PBRM1: variants seen among roughly 807,000 people sequenced by gnomAD.
PBRM1 encodes protein polybromo-1.
Under a neutral mutation model 194.5 loss-of-function variants are expected in PBRM1, and 27 were observed. The observed-to-expected ratio is 0.14, with a 90% CI of 0.10 to 0.19. The LOEUF (loss-of-function observed/expected upper bound fraction) is 0.19. Among genes scored for constraint, PBRM1 ranks in the 10% least tolerant of loss-of-function variants. The pLI is 1.00. For synonymous variants in PBRM1, 655 were observed against 693.2 expected, an observed-to-expected ratio of 0.94 and a Z score of 0.87; for missense variants, 1,466 against 2,077.2, an observed-to-expected ratio of 0.71 and a Z score of 5.72.
chr3:52,618,547 G>GT (rs2095094449), intron 13 of PBRM1, among the ~76,000 whole-genome samples: 1 of 151,536 alleles, frequency 6.6e-6, no homozygotes, highest in Non-Finnish European at 1.5e-5. Flanking sequence ...CAGTCTCCAA[G>GT]TGAACAGTGA....
intron 17 of PBRM1, among the ~76,000 whole-genome samples, chr3:52,600,787 C>T (rs765411936): frequency 9.2e-5 from 14 of 152,078 alleles, no homozygotes; most frequent in African/African-American, 1.2e-4. Context: ...TACAGGCACG[C>T]GCCACCACGC....
intron 12 of PBRM1, 40 bp from the exon 14 acceptor site, chr3:52,627,410 A>C: frequency 1.7e-6 from 2 of 1,179,202 alleles, no homozygotes; most frequent in Non-Finnish European, 2.5e-6. Flanking sequence ...CTCATGTGCC[A>C]AACACTCCTC....
rs1428138686 is a variant in PBRM1, at chr3:52,668,783, T to A, written c.237-138A>T. The stretch of plus-strand genomic sequence containing the variant: ...TCTTTCATGGACTTTGAAGCTTACT[T>A]AAAAAAAAAAAAAAAAGAAAAAAAT... On this transcript the variant is annotated intron_variant, in intron 2 of 29. Transcript: ENST00000296302. 1.1e-4 allele frequency: 23 copies of A among 208,902 alleles called. No individual in the cohort carries two copies. The highest frequency in any genetic ancestry group is 2.1e-4 in the South Asian group (1 of 4,706). 12.9% of individuals were successfully genotyped at this position (208,902 alleles called of 1,614,324 possible). A position where few individuals can be genotyped will look rare whatever the true frequency, so the allele number is the denominator to read the frequency against.
intron 27 of PBRM1, among the ~76,000 whole-genome samples, chr3:52,554,138 T>C (rs181305994): frequency 1.5e-3 from 231 of 152,336 alleles, no homozygotes; most frequent in African/African-American, 5.2e-3. Context: ...AGAACACTAA[T>C]TCAGTGAAAA....
At chr3:52,662,084 C>T (rs752051015) in intron 4 of PBRM1, 49 bp downstream of exon 5, 27 of 1,594,948 alleles carry the variant, frequency 1.7e-5, no homozygotes, top group Non-Finnish European at 2.3e-5. Flanking sequence ...CAGGGGCCCT[C>T]TCTGCCTTCC....
intron 16 of PBRM1, among the ~76,000 whole-genome samples, chr3:52,608,817 C>T (rs2094474416): frequency 1.3e-5 from 2 of 151,182 alleles, no homozygotes; most frequent in South Asian, 4.2e-4. Flanking sequence ...CATTTAATGT[C>T]TTCAGCAAGC....
chr3:52,614,628 T>C (rs2094854048), intron 15 of PBRM1, among the ~76,000 whole-genome samples: 1 of 149,992 alleles, frequency 6.7e-6, no homozygotes, highest in Admixed American at 6.7e-5. Context: ...TGAAGTACAG[T>C]GGTGTGATCT....
At chr3:52,560,007 G>A (rs543851049) in intron 25 of PBRM1, among the ~76,000 whole-genome samples, 1 of 151,756 alleles carries the variant, frequency 6.6e-6, no homozygotes, top group South Asian at 2.1e-4. Flanking sequence ...TCTAAACTTT[G>A]GGCTTTGAAT....
downstream of PBRM1, chr3:52,547,934 C>T: frequency 3.0e-6 from 2 of 656,066 alleles, no homozygotes; most frequent in Non-Finnish European, 5.1e-6. Context: ...ATAAAAATGG[C>T]CTTGTGATGT....
Position 52,609,281 on chromosome 3 carries a change from T to A in PBRM1, c.2567+32A>T. ...TCTGTTTTGTATTAAATAGCACATA[T>A]CCTCAAAATAAAAATGGCTTTGAAA... On this transcript the variant is annotated intron_variant, in intron 16 of 29. Transcript: ENST00000296302. This position sits in a 1 kb window ranked among gnomAD's most constrained non-coding sequence, Gnocchi z 4.1. 1 of 1,539,848 alleles carries A rather than the reference T, an allele frequency of 6.5e-7. No individual in the cohort carries two copies. Among genetic ancestry groups the A allele is most frequent in the Non-Finnish European group, 8.9e-7 (1 of 1,121,098 alleles).
rs2153776391 is a variant in PBRM1 at position 52,586,658 on chromosome 3, G to A, written c.3154C>T (p.Arg1052Ter). ...TCACAGACAAAAACATCCTCATCTC[G>A]GAAGTTTTCTGGGCATAACTTAAAG... The change falls in exon 20 of 30, where the codon CGA (arginine) becomes TGA (stop). Residue 1052 changes from arginine (R) to a stop codon, truncating the protein, a stop_gained. Coordinates refer to ENST00000296302, the Ensembl canonical transcript of PBRM1. LOFTEE classifies it high-confidence loss of function. The A allele has an allele frequency of 6.2e-7, 1 of 1,603,198 alleles. No individual in the cohort carries two copies. The highest frequency in any genetic ancestry group is 8.5e-7 in the Non-Finnish European group (1 of 1,173,730).
chr3:52,577,885 A>G (rs149833340), intron 21 of PBRM1, among the ~76,000 whole-genome samples: 131 of 152,286 alleles, frequency 8.6e-4, no homozygotes, highest in African/African-American at 3.0e-3. Context: ...TCTGTGCTTG[A>G]AACAATCGAT....
chr3:52,548,159 G>A, exon 30 of PBRM1: 1 of 1,611,260 alleles, frequency 6.2e-7, no homozygotes, highest in South Asian at 1.1e-5. Flanking sequence ...TGGTGGTGTG[G>A]GCCCCTTTGC....
At chr3:52,669,867 C>T (rs1357259106) in intron 2 of PBRM1, among the ~76,000 whole-genome samples, 1 of 152,142 alleles carries the variant, frequency 6.6e-6, no homozygotes, top group Admixed American at 6.5e-5. Flanking sequence ...TAATACAGTA[C>T]AGTTGACCAC....
chr3:52,658,412 C>T, intron 4 of PBRM1, 97 bp from the exon 6 acceptor site: 10 of 445,184 alleles, frequency 2.2e-5, no homozygotes, highest in South Asian at 5.0e-5. Context: ...AAAACAGCAA[C>T]TTTTTTTTTT....
intron 2 of PBRM1, among the ~76,000 whole-genome samples, chr3:52,674,684 A>G (rs941788886): frequency 2.7e-5 from 4 of 147,416 alleles, no homozygotes; most frequent in Non-Finnish European, 5.9e-5. Context: ...ACACACACAT[A>G]TATCTCCTTA....
At position 52,617,253 on chromosome 3, in the gene PBRM1, C is replaced by A. The variant is rs772192110; in HGVS notation, c.1818+9G>T. ...ATGTGCCTACTTCAGGACCGCTGGC[C>A]CTCCTTACCTGGGAGCCCTCCTCAT... On this transcript the variant is annotated intron_variant, in intron 14 of 29. Transcript: ENST00000296302. 1.9e-6 allele frequency: 3 copies of A among 1,610,568 alleles called. No homozygotes were observed. Among genetic ancestry groups the A allele is most frequent in the Admixed American group, 3.4e-5 (2 of 59,620 alleles).
chr3:52,546,608 C>T (rs2079710285), downstream of PBRM1: 1 of 231,244 alleles, frequency 4.3e-6, no homozygotes, highest in African/African-American at 2.2e-5. Flanking sequence ...CTGAGATTAA[C>T]TCTCTCAGAT....
At chr3:52,628,339 C>G (rs897573095) in intron 12 of PBRM1, among the ~76,000 whole-genome samples, 2 of 148,644 alleles carry the variant, frequency 1.3e-5, no homozygotes, top group African/African-American at 2.5e-5. Context: ...ATTATTATTT[C>G]TACTCTATAT....
Sources: gnomAD v4.1 joint callset for allele counts (sites outside exome capture counted in the v4.1 genomes callset) on GRCh38, gnomAD v4.1.1 for gene constraint, Gnocchi (gnomAD v3.1) non-coding constraint, MANE v1.5 for transcripts, NCBI Gene and HGNC (gene_info 2026-07-23, HGNC 2026-07-21) for gene names.